Variants in CYTH1 observed in about 807,000 individuals in gnomAD.
CYTH1 encodes cytohesin 1.
A neutral mutation model predicts 61.8 loss-of-function variants in CYTH1; 18 were observed. That is an observed-to-expected ratio of 0.29 (90% CI 0.20 to 0.43). The LOEUF (loss-of-function observed/expected upper bound fraction) is 0.43, where lower values mean the gene tolerates loss of function less well. Among genes scored for constraint, CYTH1 ranks in the 20% least tolerant of loss-of-function variants. CYTH1 has a pLI of 1.00. For synonymous variants in CYTH1, 174 were observed against 184.3 expected, an observed-to-expected ratio of 0.94 and a Z score of 0.45; for missense variants, 336 against 510.5, an observed-to-expected ratio of 0.66 and a Z score of 3.29.
At chr17:78,770,338 A>T (rs1457501005) in intron 1 of CYTH1, among the ~76,000 whole-genome samples, 1 of 109,416 alleles carries the variant, frequency 9.1e-6, no homozygotes, top group Non-Finnish European at 2.0e-5. Flanking sequence ...AAAAAAAAAA[A>T]AGAAAAGAAA....
chr17:78,712,155 AGGGAG>A (rs2093140221), intron 1 of CYTH1, among the ~76,000 whole-genome samples: 1 of 23,134 alleles, frequency 4.3e-5, no homozygotes, highest in African/African-American at 1.9e-4. Flanking sequence ...GGAGGAAGGA[AGGGAG>A]GGAGGGAGGG....
Position 78,692,508 on chromosome 17 carries a change from G to C in CYTH1, c.815-15C>G, listed in dbSNP as rs754286384. On this transcript the variant is annotated splice_polypyrimidine_tract_variant and intron_variant, in intron 10 of 13. Coordinates refer to ENST00000446868, the MANE Select transcript of CYTH1 (RefSeq NM_004762.6). ...TACCCTGCCACCTGCAGAGCAAAAAGAGATGCACGTTCGACAAGAGACAAC... is the reference window on the plus strand; with the variant it reads ...TACCCTGCCACCTGCAGAGCAAAAACAGATGCACGTTCGACAAGAGACAAC... The C allele has an allele frequency of 5.6e-6, 9 of 1,613,648 alleles. No individual in the cohort carries two copies. The highest frequency in any genetic ancestry group is 1.7e-5 in the Admixed American group (1 of 59,978).
chr17:78,727,632 G>A lies in CYTH1; in HGVS notation c.23-17900C>T, dbSNP rs1225465341. The A allele has an allele frequency of 1.7e-5, 8 of 470,384 alleles. No individual in the cohort carries two copies. In the Admixed American group the frequency reaches 1.9e-4, roughly 11 times the overall value. The allele number at this position is 470,384 out of a possible 1,614,324, so 29.1% of individuals were successfully genotyped here. On this transcript the variant is annotated intron_variant, in intron 1 of 13. Coordinates refer to ENST00000446868, the MANE Select transcript of CYTH1 (RefSeq NM_004762.6). ...CCTTCCAAGTCGCGGGAAGGTCCAG[G>A]ATACTGGCCCCCTGCCTCCACCTAC...
intron 1 of CYTH1, among the ~76,000 whole-genome samples, chr17:78,749,204 C>A (rs1028698802): frequency 7.9e-5 from 12 of 152,128 alleles, no homozygotes; most frequent in Non-Finnish European, 1.5e-4. Flanking sequence ...AAGTCTGAGA[C>A]CAGCCAGCAC....
At chr17:78,698,582 A>G (rs2092972023) in intron 8 of CYTH1, among the ~76,000 whole-genome samples, 1 of 152,214 alleles carries the variant, frequency 6.6e-6, no homozygotes, top group Non-Finnish European at 1.5e-5. Context: ...TTAGGAAAAT[A>G]AAGAAGCAGC....
intron 3 of CYTH1, among the ~76,000 whole-genome samples, chr17:78,704,732 G>A (rs541361514): frequency 6.6e-6 from 1 of 152,290 alleles, no homozygotes; most frequent in Admixed American, 6.5e-5. Flanking sequence ...ATGTAACCCA[G>A]GCTGGTCTTA....
rs542103386 is a variant in CYTH1 at position 78,713,480 on chromosome 17, G to A, written c.23-3748C>T. Among the ~76,000 whole-genome samples the A allele has an allele frequency of 3.2e-4, 48 of 152,314 alleles. No homozygotes were observed. In the South Asian group the frequency reaches 9.7e-3, roughly 31 times the overall value. On this transcript the variant is annotated intron_variant, in intron 1 of 13. Transcript: ENST00000446868. ...ATCAATGTATCTCTACCCAGCAGAA[G>A]CAAGACTAAATCCAAGGTCCATATA...
At position 78,698,865 on chromosome 17, in the gene CYTH1, G is replaced by C; in HGVS notation, c.654C>G (p.Asn218Lys). Residue 218 changes from asparagine to lysine, a missense_variant, in exon 8 of 14, where the codon AAC becomes AAG. Transcript: ENST00000446868. ...GGTCTCCCCCATCATTGATGCCTCG[G>C]TTCATGGCAATGAACCTCTCCACAG... ...KPTVERFIAMNRGINDGGDLP... is the reference protein window; with the variant it reads ...KPTVERFIAMKRGINDGGDLP... 1.9e-6 allele frequency: 3 copies of C among 1,606,232 alleles called. No homozygotes were observed. The highest frequency in any genetic ancestry group is 2.5e-6 in the Non-Finnish European group (3 of 1,177,710).
intron 1 of CYTH1, among the ~76,000 whole-genome samples, chr17:78,744,686 A>T (rs188893926): frequency 6.6e-6 from 1 of 152,356 alleles, no homozygotes; most frequent in East Asian, 1.9e-4. Flanking sequence ...ATGTGTCAAC[A>T]AGAATTCAAA....
chr17:78,737,114 T>C (rs2093323820), intron 1 of CYTH1: 1 of 152,282 alleles, frequency 6.6e-6, no homozygotes, highest in African/African-American at 2.4e-5. Flanking sequence ...CTCACTGCTG[T>C]TTTTCTCTTC....
At chr17:78,692,039 G>A (rs919139068) in intron 11 of CYTH1, 4 of 172,154 alleles carry the variant, frequency 2.3e-5, no homozygotes, top group South Asian at 1.3e-4. Flanking sequence ...TCTAAATCAC[G>A]ATTATTTCCT....
At chr17:78,762,654 T>A (rs564429856) in intron 1 of CYTH1, among the ~76,000 whole-genome samples, 1 of 152,282 alleles carries the variant, frequency 6.6e-6, no homozygotes, top group African/African-American at 2.4e-5. Context: ...AGAGGGAGAT[T>A]ATCCTAGAGT....
At chr17:78,719,594 A>C (rs1358282340) in intron 1 of CYTH1, among the ~76,000 whole-genome samples, 1 of 152,222 alleles carries the variant, frequency 6.6e-6, no homozygotes, top group East Asian at 1.9e-4. Context: ...TCAGATCTTT[A>C]AGGCAGGGAT....
chr17:78,760,180 T>G (rs1162885616), intron 1 of CYTH1, among the ~76,000 whole-genome samples: 1 of 151,590 alleles, frequency 6.6e-6, no homozygotes, highest in Non-Finnish European at 1.5e-5. Context: ...CACTTCTGCA[T>G]GTTCATCTGC....
chr17:78,676,413 C>G lies in CYTH1; in HGVS notation c.1119-244G>C, dbSNP rs566889272. ...ATTTTGGGGTTTTTACCTGTTTCAA[C>G]ATAATAATCAATTCACATTTAGGAA... On this transcript the variant is annotated intron_variant, in intron 13 of 13. Transcript: ENST00000446868. 4 of 530,578 alleles carry G rather than the reference C, an allele frequency of 7.5e-6. No individual in the cohort carries two copies. The African/African-American group carries it at 7.6e-5, about 10-fold the overall frequency. 32.9% of individuals were successfully genotyped at this position (530,578 alleles called of 1,614,324 possible).
At chr17:78,692,387 T>C in intron 11 of CYTH1, 30 bp downstream of exon 11, 1 of 1,612,830 alleles carries the variant, frequency 6.2e-7, no homozygotes, top group East Asian at 2.2e-5. Context: ...TGCCCATCCC[T>C]AGTCTGGAGG....
chr17:78,778,637 CAAAAAAA>C (rs71309108), intron 1 of CYTH1, among the ~76,000 whole-genome samples: 15 of 64,216 alleles, frequency 2.3e-4, no homozygotes, highest in Middle Eastern at 7.8e-3. Context: ...GACTCCATCT[CAAAAAAA>C]AAAAAAAAAA....
At chr17:78,744,254 C>T (rs1291860801) in intron 1 of CYTH1, among the ~76,000 whole-genome samples, 2 of 152,214 alleles carry the variant, frequency 1.3e-5, no homozygotes, top group East Asian at 1.9e-4. Flanking sequence ...GAAATCTTAA[C>T]TGCCAACAAT....
In CYTH1 at chr17:78,700,512, T is replaced by C; in HGVS notation, c.438-69A>G. ...TTTATTTCTCTATGAATTGTTAAAC[T>C]GCCAATGATTTTTTTTTTCTTTTTT... On this transcript the variant is annotated intron_variant, in intron 6 of 13. Transcript: ENST00000446868. This position sits in a 1 kb window ranked among gnomAD's most constrained non-coding sequence, Gnocchi z 5.1. The C allele has an allele frequency of 3.2e-6, 4 of 1,241,062 alleles. No individual in the cohort carries two copies. Among genetic ancestry groups the C allele is most frequent in the Admixed American group, 2.7e-5 (1 of 36,852 alleles). 76.9% of individuals were successfully genotyped at this position (1,241,062 alleles called of 1,614,324 possible). A position where few individuals can be genotyped will look rare whatever the true frequency, so the allele number is the denominator to read the frequency against.
Sources: allele counts gnomAD v4.1 joint callset (sites outside exome capture counted in the v4.1 genomes callset), GRCh38; gene constraint gnomAD v4.1.1; non-coding constraint Gnocchi (gnomAD v3.1); transcripts MANE v1.5; gene names NCBI Gene and HGNC (gene_info 2026-07-23, HGNC 2026-07-21).